The following SCN10A variants were observed in gnomAD, a reference collection of about 807,000 sequenced individuals.
SCN10A encodes sodium channel protein type 10 subunit alpha.
SCN10A carries 162 observed loss-of-function variants against 170.7 expected under a neutral mutation model. That is an observed-to-expected ratio of 0.95 (90% CI 0.84 to 1.08). SCN10A has a LOEUF of 1.08. SCN10A is among the 50% of genes least tolerant of loss of function. The probability of loss-of-function intolerance (pLI) is 0.00; values close to 1 mark genes in which losing one functional copy is unlikely to be tolerated. For synonymous variants in SCN10A, 985 were observed against 904.6 expected, an observed-to-expected ratio of 1.09 and a Z score of -1.59; for missense variants, 2,527 against 2,436.9, an observed-to-expected ratio of 1.04 and a Z score of -0.78.
chr3:38,812,412 A>T (rs1039318098), intron 1 of SCN10A, among the ~76,000 whole-genome samples: 1 of 152,100 alleles, frequency 6.6e-6, no homozygotes, highest in Non-Finnish European at 1.5e-5. Flanking sequence ...AAATATTAAC[A>T]CATCATTCTT....
chr3:38,807,890 T>C (rs928158630), intron 1 of SCN10A, among the ~76,000 whole-genome samples: 1 of 152,180 alleles, frequency 6.6e-6, no homozygotes, highest in Admixed American at 6.5e-5. Flanking sequence ...AACCATTTCT[T>C]ATCTGGTCTC....
intron 2 of SCN10A, among the ~76,000 whole-genome samples, chr3:38,792,801 G>C (rs527869814): frequency 1.3e-5 from 2 of 152,224 alleles, no homozygotes; most frequent in East Asian, 3.9e-4. Context: ...TGAGATAATT[G>C]TCATGAAGAA....
chr3:38,761,866 A>AAAGAG, intron 6 of SCN10A, among the ~76,000 whole-genome samples: 1 of 121,990 alleles, frequency 8.2e-6, no homozygotes, highest in African/African-American at 3.3e-5. Flanking sequence ...GAGAGAGAGA[A>AAAGAG]AGAGAGAGAG....
chr3:38,789,828 G>A (rs2064257419), intron 3 of SCN10A, among the ~76,000 whole-genome samples: 1 of 152,138 alleles, frequency 6.6e-6, no homozygotes, highest in South Asian at 2.1e-4. Context: ...AGAAATGTTG[G>A]TGGGGAGAAT....
rs139851976 is a variant in SCN10A, at chr3:38,812,945, A to C, written c.-33+3092T>G. Among the ~76,000 whole-genome samples the C allele has an allele frequency of 1.5e-3, 223 of 152,180 alleles. 1 individual carries two copies. Among genetic ancestry groups the C allele is most frequent in the African/African-American group, 5.1e-3 (210 of 41,516 alleles). Reference sequence around the variant, plus strand: ...GCTACTCAGGAGCTGAGGTAGGAGGATCACCTGAGCCCTGGAGGTCAAGGC... The same window carrying C: ...GCTACTCAGGAGCTGAGGTAGGAGGCTCACCTGAGCCCTGGAGGTCAAGGC... On this transcript the variant is annotated intron_variant, in intron 1 of 27. Transcript: ENST00000449082.
rs1317781407 is a variant in SCN10A, at chr3:38,750,113, C to A, written c.1827G>T (p.Arg609Ser). 5.6e-6 allele frequency: 9 copies of A among 1,612,888 alleles called. No individual in the cohort carries two copies. The highest frequency in any genetic ancestry group is 6.8e-6 in the Non-Finnish European group (8 of 1,179,198). Reference sequence around the variant, plus strand: ...TTATGATACTGACAACACTCATTGCCCTTTGGGCCCGGAAAGGTTCATCTA... The same window carrying A: ...TTATGATACTGACAACACTCATTGCACTTTGGGCCCGGAAAGGTTCATCTA... The part of the protein sequence containing the change: ...EYLDEPFRAQ[R>S]AMSVVSIITS... The change falls in exon 13 of 28, where the codon AGG (arginine) becomes AGT (serine). Residue 609 changes from arginine (R) to serine (S), a missense_variant. Arg to Ser is a moderately radical substitution (Grantham distance 110). Transcript: ENST00000449082.
At chr3:38,774,218 C>A (rs980188828) in intron 4 of SCN10A, among the ~76,000 whole-genome samples, 4 of 152,124 alleles carry the variant, frequency 2.6e-5, no homozygotes, top group South Asian at 2.1e-4. Context: ...GTTTCCCCCC[C>A]ACACTCTTTA....
chr3:38,744,652 AC>A (rs2063668783), intron 13 of SCN10A, among the ~76,000 whole-genome samples: 1 of 151,878 alleles, frequency 6.6e-6, no homozygotes, highest in Non-Finnish European at 1.5e-5. Flanking sequence ...TTGTAGTTTC[AC>A]TTTTTTCACT....
At chr3:38,780,900 C>T (rs1016013609) in intron 4 of SCN10A, among the ~76,000 whole-genome samples, 2 of 152,130 alleles carry the variant, frequency 1.3e-5, no homozygotes, top group East Asian at 3.9e-4. Flanking sequence ...AGAGTAGTGG[C>T]TGGCCATTGG....
intron 20 of SCN10A, among the ~76,000 whole-genome samples, chr3:38,719,985 C>T (rs1050817059): frequency 2.8e-4 from 43 of 152,324 alleles, no homozygotes; most frequent in African/African-American, 9.6e-4. Context: ...TTATCCTCCC[C>T]GCTGGGGCAG....
chr3:38,762,427 C>A (rs2126033376), intron 6 of SCN10A, among the ~76,000 whole-genome samples: 1 of 152,182 alleles, frequency 6.6e-6, no homozygotes, highest in East Asian at 1.9e-4. Flanking sequence ...AAAACCTTGG[C>A]AGAGCCCTGA....
intron 23 of SCN10A, among the ~76,000 whole-genome samples, chr3:38,711,230 T>C (rs2063270527): frequency 6.6e-6 from 1 of 152,208 alleles, no homozygotes; most frequent in Non-Finnish European, 1.5e-5. Flanking sequence ...GTTTCCCCTC[T>C]CAGGGCTGCC....
In SCN10A at chr3:38,739,572, C is replaced by G; in HGVS notation, c.2223G>C (p.Leu741=). Residue 741 remains leucine, a synonymous_variant, in exon 15 of 28, where the codon CTG becomes CTC. Transcript: ENST00000449082. ...IFDCIIVTVS[L]LELGVAKKGS... is the part of the protein sequence containing the mutation. ...CCTTCTTGGCCACGCCCAGCTCTAG[C>G]AGACTCACAGTGACGATGATGCAGT... The G allele has an allele frequency of 1.2e-6, 2 of 1,614,210 alleles. No individual in the cohort carries two copies. Among genetic ancestry groups the G allele is most frequent in the Non-Finnish European group, 1.7e-6 (2 of 1,180,032 alleles).
At chr3:38,785,522 A>T (rs2064188924) in intron 4 of SCN10A, among the ~76,000 whole-genome samples, 2 of 152,200 alleles carry the variant, frequency 1.3e-5, no homozygotes, top group Admixed American at 6.5e-5. Context: ...CTAAAACCAT[A>T]AAAACCCTAG....
At chr3:38,804,165 C>A (rs986985148) in intron 1 of SCN10A, among the ~76,000 whole-genome samples, 3 of 152,146 alleles carry the variant, frequency 2.0e-5, no homozygotes, top group Non-Finnish European at 4.4e-5. Flanking sequence ...TCATTGGAAC[C>A]GAGTCTCACA....
chr3:38,733,542 T>G (rs189902292), intron 15 of SCN10A, among the ~76,000 whole-genome samples: 1 of 152,166 alleles, frequency 6.6e-6, no homozygotes, highest in Non-Finnish European at 1.5e-5. Context: ...TAGCTAACTT[T>G]TGGCTTTGAT....
At chr3:38,726,493 G>C in intron 17 of SCN10A, 113 bp downstream of exon 17, 2 of 866,564 alleles carry the variant, frequency 2.3e-6, no homozygotes, top group Non-Finnish European at 3.4e-6. Flanking sequence ...GCTTGGCATG[G>C]TTTAAACTTC....
intron 18 of SCN10A, 121 bp from the exon 19 acceptor site, chr3:38,723,674 A>ACTGCTCTTCTCCCTGGAGCC: frequency 8.3e-7 from 1 of 1,201,566 alleles, no homozygotes; most frequent in Non-Finnish European, 1.2e-6. Flanking sequence ...GGCCTGGAAC[A>ACTGCTCTTCTCCCTGGAGCC]CTGCTCTTCT....
chr3:38,707,403 G>A lies in SCN10A; in HGVS notation c.4282-20C>T. On this transcript the variant is annotated intron_variant, in intron 25 of 27. Transcript: ENST00000449082. ...CCCTAAGTGCAGAGAGGGCCACACT[G>A]TTACTAAAGCAAGAGGAACCCCCTA... 1 of 1,612,832 alleles carries A rather than the reference G, an allele frequency of 6.2e-7. No homozygotes were observed. Among genetic ancestry groups the A allele is most frequent in the Non-Finnish European group, 8.5e-7 (1 of 1,178,956 alleles).
Sources: allele counts gnomAD v4.1 joint callset (sites outside exome capture counted in the v4.1 genomes callset), GRCh38; gene constraint gnomAD v4.1.1; transcripts MANE v1.5; gene names NCBI Gene and HGNC (gene_info 2026-07-23, HGNC 2026-07-21).